Variants in MTMR9 observed in about 807,000 individuals in gnomAD.
The protein encoded by MTMR9 is myotubularin-related protein 9.
Under a neutral mutation model 69.5 loss-of-function variants are expected in MTMR9, and 39 were observed. The observed-to-expected ratio is 0.56, with a 90% CI of 0.43 to 0.73. The LOEUF (loss-of-function observed/expected upper bound fraction) is 0.73, where lower values mean the gene tolerates loss of function less well. MTMR9 is among the 30% of genes least tolerant of loss of function. The pLI, the probability that MTMR9 is intolerant of heterozygous loss-of-function variation, is 0.00. For synonymous variants in MTMR9, 354 were observed against 240.8 expected (o/e 1.47, Z -4.35); for missense variants, 900 against 671.2 (o/e 1.34, Z -3.77).
chr8:11,321,285 C>T, intron 9 of MTMR9: 1 of 381,984 alleles, frequency 2.6e-6, no homozygotes, highest in Admixed American at 2.9e-5. Context: ...CTTCTCTTTG[C>T]TTACTTTCGT....
chr8:11,339,128 TTC>T, the MTMR9 span, among the ~76,000 whole-genome samples: 8 of 152,136 alleles, frequency 5.3e-5, no homozygotes, highest in Admixed American at 5.2e-4. Flanking sequence ...CCCTTAACAT[TTC>T]TTTTTAATTC....
Position 11,306,191 on chromosome 8 carries a change from T to C in MTMR9, c.593T>C (p.Val198Ala), listed in dbSNP as rs767413947. The C allele has an allele frequency of 2.1e-5, 34 of 1,612,222 alleles. No individual in the cohort carries two copies. In the Admixed American group the frequency reaches 5.5e-4, roughly 26 times the overall value. ...LSYYHKKNGM[V>A]IMRSGQPLTG... ...TTTTCAGCTTTATTATGCTTCTAGG[T>C]AATTATGCGAAGTGGTCAGCCACTC... Residue 198 changes from valine (V) to alanine (A), a missense_variant and splice_region_variant, in exon 5 of 10, where the codon GTA becomes GCA. Transcript: ENST00000221086.
intron 8 of MTMR9, 29 bp from the exon 9 acceptor site, chr8:11,319,658 C>G (rs773745976): frequency 2.5e-6 from 4 of 1,610,454 alleles, no homozygotes; most frequent in East Asian, 2.2e-5. Flanking sequence ...AAATTAATTA[C>G]TTTAATGGCA....
At chr8:11,334,787 T>G in the MTMR9 span, among the ~76,000 whole-genome samples, 1 of 152,192 alleles carries the variant, frequency 6.6e-6, no homozygotes, top group Non-Finnish European at 1.5e-5. Context: ...CAGCCTTCAG[T>G]TCAGCCAGTC....
chr8:11,333,015 T>C (rs1801292278), downstream of MTMR9, among the ~76,000 whole-genome samples: 1 of 152,138 alleles, frequency 6.6e-6, no homozygotes, highest in African/African-American at 2.4e-5. Flanking sequence ...TGAATAGACT[T>C]CAAGACTTGT....
At chr8:11,306,891 C>A (rs1267886454) in intron 5 of MTMR9, among the ~76,000 whole-genome samples, 4 of 152,164 alleles carry the variant, frequency 2.6e-5, no homozygotes, top group African/African-American at 9.6e-5. Flanking sequence ...ACTTTCTCTT[C>A]CTCTGGCAAC....
chr8:11,309,756 C>G, intron 6 of MTMR9, 68 bp downstream of exon 6: 2 of 1,537,250 alleles, frequency 1.3e-6, no homozygotes, highest in Non-Finnish European at 1.8e-6. Flanking sequence ...TTTATCCAGA[C>G]ATATGTTTAT....
intron 2 of MTMR9, among the ~76,000 whole-genome samples, chr8:11,298,567 A>G (rs1045910172): frequency 5.3e-5 from 8 of 151,974 alleles, no homozygotes; most frequent in African/African-American, 1.7e-4. Flanking sequence ...TCATGGGCCT[A>G]TCCTTTTGCA....
intron 7 of MTMR9, among the ~76,000 whole-genome samples, chr8:11,315,704 A>G (rs1444340535): frequency 1.3e-5 from 2 of 152,196 alleles, no homozygotes; most frequent in Non-Finnish European, 2.9e-5. Context: ...ATCATGCACT[A>G]ATGCTGTTAC....
intron 2 of MTMR9, among the ~76,000 whole-genome samples, chr8:11,295,515 T>A (rs996659136): frequency 6.6e-6 from 1 of 152,210 alleles, no homozygotes; most frequent in Admixed American, 6.5e-5. Flanking sequence ...GTTATATGAG[T>A]AGCTCAATTC....
intron 2 of MTMR9, among the ~76,000 whole-genome samples, chr8:11,299,509 G>A (rs1249710252): frequency 6.6e-6 from 1 of 152,164 alleles, no homozygotes; most frequent in Non-Finnish European, 1.5e-5. Context: ...GCACTGCTAG[G>A]ATTTGGAATT....
At chr8:11,299,899 T>A (rs1799692041) in intron 2 of MTMR9, 124 bp from the exon 3 acceptor site, 2 of 1,158,200 alleles carry the variant, frequency 1.7e-6, no homozygotes, top group Non-Finnish European at 2.4e-6. Context: ...AAACACAATG[T>A]TAGAGAAACA....
In MTMR9 at chr8:11,284,871, C is replaced by T. The variant is rs781320772; in HGVS notation, c.-18C>T. 8 of 1,524,108 alleles carry T rather than the reference C, an allele frequency of 5.2e-6. No homozygotes were observed. The highest frequency in any genetic ancestry group is 7.0e-6 in the Non-Finnish European group (8 of 1,146,112). 94.4% of individuals were successfully genotyped at this position (1,524,108 alleles called of 1,614,324 possible). ...GCACCTACCGGGCTCGGTTCCCTGG[C>T]TCCGGCCGCGGGGGAGCATGGAGTT... On this transcript the variant is annotated 5_prime_UTR_variant, in exon 1 of 10. Coordinates refer to ENST00000221086, the MANE Select transcript of MTMR9 (RefSeq NM_015458.4).
chr8:11,322,121 C>T (rs1800722289), intron 9 of MTMR9, among the ~76,000 whole-genome samples: 1 of 152,162 alleles, frequency 6.6e-6, no homozygotes, highest in South Asian at 2.1e-4. Flanking sequence ...GGGAGAGAGG[C>T]ATGTAAGCAC....
In MTMR9 at chr8:11,327,992, GA is replaced by G. The variant is rs774098962; in HGVS notation, c.*5207del. 1.3e-5 allele frequency: 2 copies of G among 152,188 alleles called. No individual in the cohort carries two copies. Among genetic ancestry groups the G allele is most frequent in the African/African-American group, 2.4e-5 (1 of 41,442 alleles). 9.4% of individuals were successfully genotyped at this position (152,188 alleles called of 1,614,324 possible). A position where few individuals can be genotyped will look rare whatever the true frequency, so the allele number is the denominator to read the frequency against. ...TGTCAAGCTTGGTTTACTGAATCAA[GA>G]AAGAGTCTTGTCGAATGTGGTACTG... On this transcript the variant is annotated 3_prime_UTR_variant, in exon 10 of 10. Transcript: ENST00000221086.
chr8:11,329,134 A>G (rs1220258450), downstream of MTMR9, among the ~76,000 whole-genome samples: 1 of 152,138 alleles, frequency 6.6e-6, no homozygotes, highest in Non-Finnish European at 1.5e-5. Flanking sequence ...ATTGGTGTAT[A>G]TGTCTGTGTT....
rs547902152 is a variant in MTMR9 at position 11,288,275 on chromosome 8, TA to T, written c.182+3206del. On this transcript the variant is annotated intron_variant, in intron 1 of 9. Coordinates refer to ENST00000221086, the MANE Select transcript of MTMR9 (RefSeq NM_015458.4). ...ATTATAATAATTATATATTATAATA[TA>T]GTATAATATAGCATATAATATATAT... 3.7e-3 allele frequency among the ~76,000 whole-genome samples: 520 copies of T among 138,746 alleles called. 8 individuals carry two copies. The East Asian group carries it at 0.043, about 12-fold the overall frequency. 91.0% of individuals were successfully genotyped at this position (138,746 alleles called of 152,430 possible).
downstream of MTMR9, among the ~76,000 whole-genome samples, chr8:11,330,648 G>T (rs1276351078): frequency 6.6e-6 from 1 of 152,164 alleles, no homozygotes; most frequent in Non-Finnish European, 1.5e-5. Context: ...GGCATGTGCT[G>T]TGTCCACTCA....
At chr8:11,312,072 C>G (rs1265617552) in intron 6 of MTMR9, among the ~76,000 whole-genome samples, 1 of 152,070 alleles carries the variant, frequency 6.6e-6, no homozygotes, top group Non-Finnish European at 1.5e-5. Context: ...GGAGACAGGG[C>G]CTTGCTCTGT....
Sources: allele counts gnomAD v4.1 joint callset (sites outside exome capture counted in the v4.1 genomes callset), GRCh38; gene constraint gnomAD v4.1.1; transcripts MANE v1.5; gene names NCBI Gene and HGNC (gene_info 2026-07-23, HGNC 2026-07-21).